Variants in OR1J2 observed in about 807,000 individuals in gnomAD.
OR1J2 encodes the protein olfactory receptor family 1 subfamily J member 2.
For synonymous variants in OR1J2, 142 were observed against 99.7 expected, an observed-to-expected ratio of 1.42 and a Z score of -2.52; for missense variants, 304 against 246.1, an observed-to-expected ratio of 1.24 and a Z score of -1.57.
At chr9:122,543,785 A>G in the OR1J2 span, among the ~76,000 whole-genome samples, 1 of 152,232 alleles carries the variant, frequency 6.6e-6, no homozygotes, top group Admixed American at 6.5e-5. Context: ...ACAAGAGAAC[A>G]GATGGTTCAG....
At chr9:122,458,664 A>G in the OR1J2 span, among the ~76,000 whole-genome samples, 1 of 152,242 alleles carries the variant, frequency 6.6e-6, no homozygotes, top group South Asian at 2.1e-4. Flanking sequence ...CCCCACCCCA[A>G]TTCTGTTACC....
chr9:122,519,604 A>G, the OR1J2 span: 1 of 1,613,952 alleles, frequency 6.2e-7, no homozygotes, highest in Non-Finnish European at 8.5e-7. Flanking sequence ...TCCTGTACCA[A>G]TGCCCTGTCT....
At chr9:122,473,277 T>C in the OR1J2 span, among the ~76,000 whole-genome samples, 1 of 152,198 alleles carries the variant, frequency 6.6e-6, no homozygotes, top group East Asian at 1.9e-4. Context: ...CATGGGACCA[T>C]CCTATAAGGT....
chr9:122,526,735 A>C, the OR1J2 span: 2 of 1,614,152 alleles, frequency 1.2e-6, no homozygotes, highest in East Asian at 2.2e-5. Context: ...GTGTCAGAAC[A>C]TGACAGCTTC....
At chr9:122,480,951 C>A in the OR1J2 span, among the ~76,000 whole-genome samples, 1 of 152,024 alleles carries the variant, frequency 6.6e-6, no homozygotes, top group Non-Finnish European at 1.5e-5. Context: ...TGCACCACTA[C>A]GCCCAGCTAA....
chr9:122,500,950 T>G, the OR1J2 span, among the ~76,000 whole-genome samples: 1 of 152,188 alleles, frequency 6.6e-6, no homozygotes, highest in Non-Finnish European at 1.5e-5. Context: ...ATTATACATA[T>G]TCATTGGAAG....
chr9:122,467,277 A>G, the OR1J2 span, among the ~76,000 whole-genome samples: 2 of 152,162 alleles, frequency 1.3e-5, no homozygotes, highest in South Asian at 4.1e-4. Context: ...TTCACAGCCC[A>G]TTTCTTTCCA....
chr9:122,542,512 A>C, the OR1J2 span, among the ~76,000 whole-genome samples: 1 of 152,184 alleles, frequency 6.6e-6, no homozygotes, highest in South Asian at 2.1e-4. Flanking sequence ...TTCTTTCCCA[A>C]CATTGTATTA....
downstream of OR1J2, among the ~76,000 whole-genome samples, chr9:122,512,350 G>T (rs1828651119): frequency 6.6e-6 from 1 of 152,176 alleles, no homozygotes; most frequent in Admixed American, 6.5e-5. Flanking sequence ...TTTCTGGAAA[G>T]ATTGTCAAAA....
chr9:122,477,733 T>G, the OR1J2 span: 1 of 1,614,058 alleles, frequency 6.2e-7, no homozygotes, highest in Non-Finnish European at 8.5e-7. Context: ...GAGGGCCAAG[T>G]GGCTAAGGAA....
the OR1J2 span, among the ~76,000 whole-genome samples, chr9:122,464,809 C>A: frequency 3.9e-5 from 6 of 152,186 alleles, no homozygotes. Flanking sequence ...TTGACTTATT[C>A]AGGATCTGAT....
downstream of OR1J2, chr9:122,511,813 T>C (rs541229205): frequency 5.5e-6 from 4 of 731,094 alleles, no homozygotes; most frequent in Admixed American, 7.5e-5. Context: ...CATTTGAATA[T>C]GTCTCAAAAC....
chr9:122,518,131 A>G, the OR1J2 span, among the ~76,000 whole-genome samples: 14 of 152,216 alleles, frequency 9.2e-5, no homozygotes, highest in African/African-American at 3.4e-4. Flanking sequence ...GATAGACTGG[A>G]TAAAGAAAAT....
chr9:122,484,374 A>G, the OR1J2 span, among the ~76,000 whole-genome samples: 1 of 152,010 alleles, frequency 6.6e-6, no homozygotes, highest in Non-Finnish European at 1.5e-5. Flanking sequence ...GTTGGCCAGG[A>G]TGGTCTCGAT....
the OR1J2 span, among the ~76,000 whole-genome samples, chr9:122,523,699 A>C: frequency 6.6e-6 from 1 of 152,220 alleles, no homozygotes; most frequent in Non-Finnish European, 1.5e-5. Context: ...CTGATATTTA[A>C]GAACAAAATG....
At chr9:122,531,545 G>T in the OR1J2 span, among the ~76,000 whole-genome samples, 1 of 152,166 alleles carries the variant, frequency 6.6e-6, no homozygotes, top group East Asian at 1.9e-4. Flanking sequence ...GAGCTCAAAT[G>T]GGCTGTACCT....
chr9:122,491,607 G>C, the OR1J2 span, among the ~76,000 whole-genome samples: 1 of 152,266 alleles, frequency 6.6e-6, no homozygotes, highest in East Asian at 1.9e-4. Context: ...TAGAGCCAAG[G>C]TTAAGTGCTG....
chr9:122,489,085 AG>A, the OR1J2 span, among the ~76,000 whole-genome samples: 1 of 151,386 alleles, frequency 6.6e-6, no homozygotes, highest in South Asian at 2.1e-4. Context: ...CTGTCCCCAA[AG>A]AGTTCCCAAT....
the OR1J2 span, among the ~76,000 whole-genome samples, chr9:122,560,182 T>G: frequency 6.6e-6 from 1 of 152,182 alleles, no homozygotes. Flanking sequence ...ATTTGCTTGG[T>G]AAATTTTCTC....
Sources: gnomAD v4.1 joint callset for allele counts (sites outside exome capture counted in the v4.1 genomes callset) on GRCh38, gnomAD v4.1.1 for gene constraint, MANE v1.5 for transcripts, NCBI Gene and HGNC (gene_info 2026-07-23, HGNC 2026-07-21) for gene names.